Variants in TPRG1 observed in about 807,000 individuals in gnomAD.
TPRG1 encodes the protein tumor protein p63-regulated gene 1 protein.
A neutral mutation model predicts 29.3 loss-of-function variants in TPRG1; 29 were observed. The observed-to-expected ratio is 0.99, with a 90% CI of 0.74 to 1.35. The LOEUF (loss-of-function observed/expected upper bound fraction) is 1.35, where lower values mean the gene tolerates loss of function less well. Ranked by LOEUF, TPRG1 falls within the 40% of genes most tolerant of loss-of-function variation. TPRG1 has a pLI of 0.00. For synonymous variants in TPRG1, 130 were observed against 116.8 expected (o/e 1.11, Z -0.73); for missense variants, 327 against 335.0 (o/e 0.98, Z 0.19).
intron 3 of TPRG1, among the ~76,000 whole-genome samples, chr3:189,141,361 C>CCATT (rs3065345): frequency 0.25 from 38,073 of 151,336 alleles, 5,762 homozygotes; most frequent in Admixed American, 0.39. Flanking sequence ...GACATTCTAG[C>CCATT]CATTCATTCA....
rs1560417904 is a variant in TPRG1, at chr3:189,056,036, CCTTCCTTCCTT to C, written c.-463+32092_-463+32102del. Among the ~76,000 whole-genome samples, 167 of 37,344 alleles carry C rather than the reference CCTTCCTTCCTT, an allele frequency of 4.5e-3. 1 individual carries two copies. Among genetic ancestry groups the C allele is most frequent in the East Asian group, 9.2e-3 (15 of 1,626 alleles). 24.5% of individuals were successfully genotyped at this position (37,344 alleles called of 152,430 possible). A position where few individuals can be genotyped will look rare whatever the true frequency, so the allele number is the denominator to read the frequency against. ...CCTCCCTCCCTTCCCTCCCTCCCTT[CCTTCCTTCCTT>C]CCTTCCTTCCTTCCTTCCTTCCTTC... On this transcript the variant is annotated intron_variant, in intron 4 of 10. Coordinates refer to the TPRG1 transcript ENST00000433971.
chr3:189,174,993 C>T (rs1433831584), intron 1 of TPRG1, among the ~76,000 whole-genome samples: 1 of 152,152 alleles, frequency 6.6e-6, no homozygotes, highest in Non-Finnish European at 1.5e-5. Flanking sequence ...CTCTTATTCA[C>T]CCACTAATAT....
intron 1 of TPRG1, among the ~76,000 whole-genome samples, chr3:189,108,780 T>C (rs529957213): frequency 6.6e-6 from 1 of 152,270 alleles, no homozygotes; most frequent in African/African-American, 2.4e-5. Context: ...AGTATTTCTA[T>C]CTTCCTGTAA....
intron 4 of TPRG1, among the ~76,000 whole-genome samples, chr3:189,028,328 G>A (rs750299206): frequency 1.3e-4 from 20 of 152,224 alleles, no homozygotes; most frequent in Non-Finnish European, 5.9e-5. Context: ...TGCTCATTGT[G>A]CAAAGGTGGA....
At chr3:189,211,738 A>G (rs1412157205) in intron 2 of TPRG1, 1 of 152,118 alleles carries the variant, frequency 6.6e-6, no homozygotes, top group Non-Finnish European at 1.5e-5. Flanking sequence ...TCAACAAGCA[A>G]CCTCTGGGCC....
intron 2 of TPRG1, among the ~76,000 whole-genome samples, chr3:189,002,113 C>T (rs945988942): frequency 6.6e-6 from 1 of 152,156 alleles, no homozygotes; most frequent in South Asian, 2.1e-4. Context: ...TACTCCTTAG[C>T]CTAGTGGGTT....
At chr3:189,190,309 T>G (rs533452876) in intron 1 of TPRG1, among the ~76,000 whole-genome samples, 1 of 152,232 alleles carries the variant, frequency 6.6e-6, no homozygotes, top group Non-Finnish European at 1.5e-5. Context: ...ATAGTAAGCA[T>G]GTTCACAGGT....
In TPRG1 at chr3:189,252,518, A is replaced by T. The variant is rs568060577; in HGVS notation, c.479+13609A>T. On this transcript the variant is annotated intron_variant, in intron 4 of 5. Transcript: ENST00000345063. ...TATTCCAAGATTTTAATTAAAAACC[A>T]ATTTCCATAATCCTATTGTGTTTAT... Among the ~76,000 whole-genome samples the T allele has an allele frequency of 8.5e-5, 13 of 152,298 alleles. No individual in the cohort carries two copies. The South Asian group carries it at 2.7e-3, about 32-fold the overall frequency.
intron 4 of TPRG1, among the ~76,000 whole-genome samples, chr3:189,241,956 G>A (rs945906208): frequency 6.6e-5 from 10 of 151,878 alleles, no homozygotes; most frequent in African/African-American, 2.4e-4. Flanking sequence ...AACTAATACA[G>A]GTATCAAATT....
Position 189,236,322 on chromosome 3 carries a change from C to T in TPRG1, c.303-2411C>T, listed in dbSNP as rs74514199. ...AGTAAAACCATTCAACCAAAAGCTG[C>T]AGTTTTTTTAGACTAAAACAAGTCT... On this transcript the variant is annotated intron_variant, in intron 3 of 5. Coordinates refer to ENST00000345063, the MANE Select transcript of TPRG1 (RefSeq NM_198485.4). Among the ~76,000 whole-genome samples the T allele has an allele frequency of 6.8e-3, 1,039 of 152,246 alleles. 8 individuals are homozygous for T. Among genetic ancestry groups the T allele is most frequent in the African/African-American group, 0.023 (941 of 41,518 alleles).
At chr3:189,293,708 T>G (rs1400087989) in intron 4 of TPRG1, among the ~76,000 whole-genome samples, 1 of 152,232 alleles carries the variant, frequency 6.6e-6, no homozygotes, top group East Asian at 1.9e-4. Flanking sequence ...TCTATTATCT[T>G]TGACTCACAA....
chr3:189,081,630 C>G (rs1717600802), intron 4 of TPRG1, among the ~76,000 whole-genome samples: 1 of 152,160 alleles, frequency 6.6e-6, no homozygotes, highest in Non-Finnish European at 1.5e-5. Context: ...CACTTTGGAT[C>G]ATTAAGTAGC....
At chr3:189,193,086 T>C (rs1731948647) in intron 1 of TPRG1, among the ~76,000 whole-genome samples, 1 of 151,942 alleles carries the variant, frequency 6.6e-6, no homozygotes, top group South Asian at 2.1e-4. Context: ...GACTTGATGT[T>C]TTTATTTTGC....
At chr3:189,216,179 C>G (rs770860476) in intron 3 of TPRG1, among the ~76,000 whole-genome samples, 1 of 151,998 alleles carries the variant, frequency 6.6e-6, no homozygotes, top group Non-Finnish European at 1.5e-5. Flanking sequence ...ATTAGACTAC[C>G]CAGTTCAGAT....
chr3:189,126,369 A>G (rs928145453), intron 1 of TPRG1, among the ~76,000 whole-genome samples: 1 of 152,214 alleles, frequency 6.6e-6, no homozygotes, highest in African/African-American at 2.4e-5. Flanking sequence ...GAATCTGCTC[A>G]GAGAACAAGA....
intron 4 of TPRG1, among the ~76,000 whole-genome samples, chr3:189,034,417 G>C (rs1387202057): frequency 2.0e-5 from 3 of 152,086 alleles, no homozygotes; most frequent in African/African-American, 7.2e-5. Flanking sequence ...AATTAAGATA[G>C]CAATTTCAAA....
At chr3:189,207,312 C>T in intron 1 of TPRG1, 64 bp from the exon 2 acceptor site, 1 of 1,570,592 alleles carries the variant, frequency 6.4e-7, no homozygotes, top group Non-Finnish European at 8.7e-7. Context: ...TCTGTTTTGC[C>T]ATAGCTAGGA....
At chr3:189,277,865 C>T (rs947839046) in intron 4 of TPRG1, among the ~76,000 whole-genome samples, 13 of 152,196 alleles carry the variant, frequency 8.5e-5, no homozygotes, top group African/African-American at 3.1e-4. Context: ...GGGGAACTCA[C>T]TACCTCCTCA....
At chr3:189,108,494 G>T (rs1293815041) in intron 1 of TPRG1, among the ~76,000 whole-genome samples, 1 of 151,522 alleles carries the variant, frequency 6.6e-6, no homozygotes, top group Non-Finnish European at 1.5e-5. Context: ...CTTAACATTT[G>T]GCAGCACAGT....
Sources: gnomAD v4.1 joint callset for allele counts (sites outside exome capture counted in the v4.1 genomes callset) on GRCh38, gnomAD v4.1.1 for gene constraint, MANE v1.5 for transcripts, NCBI Gene and HGNC (gene_info 2026-07-23, HGNC 2026-07-21) for gene names.